Variants in MLLT10 observed in about 807,000 individuals in gnomAD.
The protein encoded by MLLT10 is MLLT10 histone lysine methyltransferase DOT1L cofactor.
Under a neutral mutation model 129.1 loss-of-function variants are expected in MLLT10, and 30 were observed. That is an observed-to-expected ratio of 0.23 (90% CI 0.17 to 0.32). MLLT10 has a LOEUF of 0.32. Ranked by LOEUF, MLLT10 falls within the 10% of genes least tolerant of loss-of-function variation. MLLT10 has a pLI of 1.00. For synonymous variants in MLLT10, 490 were observed against 446.4 expected (o/e 1.10, Z -1.23); for missense variants, 1,119 against 1,268.3 (o/e 0.88, Z 1.79).
chr10:21,688,852 C>T (rs181093578), intron 13 of MLLT10, among the ~76,000 whole-genome samples: 1 of 152,172 alleles, frequency 6.6e-6, no homozygotes, highest in Admixed American at 6.5e-5. Context: ...ACCTGTGTCC[C>T]TTCTCACACT....
intron 2 of MLLT10, among the ~76,000 whole-genome samples, chr10:21,537,208 T>G (rs890538401): frequency 3.3e-5 from 5 of 152,194 alleles, no homozygotes; most frequent in African/African-American, 1.2e-4. Context: ...GAAGTTTAGC[T>G]TTTGGAGTTT....
chr10:21,550,655 A>C (rs769587154), intron 3 of MLLT10, among the ~76,000 whole-genome samples: 1 of 151,990 alleles, frequency 6.6e-6, no homozygotes, highest in Non-Finnish European at 1.5e-5. Context: ...CCTTAGCCTT[A>C]TGAGTAGCTG....
chr10:21,647,578 C>T (rs1271486184), intron 8 of MLLT10, among the ~76,000 whole-genome samples: 1 of 151,940 alleles, frequency 6.6e-6, no homozygotes, highest in African/African-American at 2.4e-5. Context: ...GTTATTAGAT[C>T]TTGTCATTAA....
chr10:21,637,608 C>T (rs912769092), intron 8 of MLLT10, among the ~76,000 whole-genome samples: 1 of 152,176 alleles, frequency 6.6e-6, no homozygotes, highest in African/African-American at 2.4e-5. Flanking sequence ...CTTTGAAAAT[C>T]ACAGGGTAGA....
chr10:21,564,569 G>A (rs186312722), intron 3 of MLLT10: 60 of 151,996 alleles, frequency 3.9e-4, no homozygotes, highest in African/African-American at 1.4e-3. Context: ...GTGCTGTTGA[G>A]ACAAGCACTA....
chr10:21,540,390 T>C (rs1481415197), intron 3 of MLLT10, among the ~76,000 whole-genome samples: 1 of 145,950 alleles, frequency 6.9e-6, no homozygotes, highest in Admixed American at 6.8e-5. Context: ...TGAGACTGTT[T>C]CAAAAAAAAA....
chr10:21,734,192 T>G, intron 20 of MLLT10, 63 bp downstream of exon 20: 1 of 1,511,742 alleles, frequency 6.6e-7, no homozygotes, highest in South Asian at 1.3e-5. Flanking sequence ...TGTCTATGCC[T>G]TAGATTGGGG....
intron 11 of MLLT10, among the ~76,000 whole-genome samples, chr10:21,680,180 T>A (rs192189030): frequency 6.6e-6 from 1 of 152,202 alleles, no homozygotes; most frequent in South Asian, 2.1e-4. Context: ...TAATAATGTC[T>A]TATTCATTTG....
intron 4 of MLLT10, 112 bp from the exon 5 acceptor site, chr10:21,595,219 C>G: frequency 1.5e-6 from 1 of 683,848 alleles, no homozygotes; most frequent in African/African-American, 1.8e-5. Context: ...TTGTTAATGT[C>G]CTTGTTGTGC....
intron 3 of MLLT10, among the ~76,000 whole-genome samples, chr10:21,576,891 A>T (rs1301829459): frequency 6.6e-6 from 1 of 152,168 alleles, no homozygotes; most frequent in Non-Finnish European, 1.5e-5. Flanking sequence ...TCGGCCTCCT[A>T]AAGTGCTGGG....
At chr10:21,646,512 G>C (rs1461869759) in intron 8 of MLLT10, among the ~76,000 whole-genome samples, 1 of 148,588 alleles carries the variant, frequency 6.7e-6, no homozygotes, top group South Asian at 2.1e-4. Context: ...ATGTTTTTTT[G>C]GGGGGGTAGA....
At chr10:21,684,107 C>G (rs894238704) in intron 13 of MLLT10, among the ~76,000 whole-genome samples, 1 of 151,986 alleles carries the variant, frequency 6.6e-6, no homozygotes, top group East Asian at 1.9e-4. Context: ...AACTCCTGGT[C>G]TCAAGTGATC....
chr10:21,586,421 GTTTAT>G (rs1291283759), intron 4 of MLLT10, 73 bp downstream of exon 4: 16 of 1,118,940 alleles, frequency 1.4e-5, no homozygotes, highest in Admixed American at 5.4e-5. Flanking sequence ...ATATTTGGTA[GTTTAT>G]TTTATTTTAT....
rs1050716801 is a variant in MLLT10 at position 21,742,836 on chromosome 10, C to G, written c.*853C>G. On this transcript the variant is annotated 3_prime_UTR_variant, in exon 23 of 23. Transcript: ENST00000307729. ...CAGCAGGGTGGGACAGTCAGTCCTC[C>G]GAGCAGCAGGAATCATCCCGTCACC... 8.8e-6 allele frequency: 2 copies of G among 228,170 alleles called. No homozygotes were observed. The highest frequency in any genetic ancestry group is 8.7e-6 in the Non-Finnish European group (1 of 115,022). 14.1% of individuals were successfully genotyped at this position (228,170 alleles called of 1,614,324 possible). A position where few individuals can be genotyped will look rare whatever the true frequency, so the allele number is the denominator to read the frequency against.
chr10:21,700,028 T>C (rs2054751159), intron 13 of MLLT10, among the ~76,000 whole-genome samples: 1 of 152,152 alleles, frequency 6.6e-6, no homozygotes, highest in African/African-American at 2.4e-5. Context: ...TTAAATTTGT[T>C]TGTGTCCTTT....
Position 21,534,284 on chromosome 10 carries a change from C to G in MLLT10, c.-237C>G. Reference sequence around the variant, plus strand: ...GAAGCGCAGCCCCCTTCCCCTCCCTCGCTGCCCCTGGCCCAGCGGGAGCCC... The same window carrying G: ...GAAGCGCAGCCCCCTTCCCCTCCCTGGCTGCCCCTGGCCCAGCGGGAGCCC... On this transcript the variant is annotated 5_prime_UTR_variant, in exon 1 of 23. Coordinates refer to ENST00000307729, the MANE Select transcript of MLLT10 (RefSeq NM_001195626.3). The G allele has an allele frequency of 2.5e-6, 1 of 394,584 alleles. No individual in the cohort carries two copies. Among genetic ancestry groups the G allele is most frequent in the Admixed American group, 4.4e-5 (1 of 22,628 alleles). The allele number at this position is 394,584 out of a possible 1,614,324, so 24.4% of individuals were successfully genotyped here. A position where few individuals can be genotyped will look rare whatever the true frequency, so the allele number is the denominator to read the frequency against.
Position 21,625,370 on chromosome 10 carries a change from T to A in MLLT10, c.699+8163T>A, listed in dbSNP as rs564006013. On this transcript the variant is annotated intron_variant, in intron 8 of 22. Transcript: ENST00000307729. Reference sequence around the variant, plus strand: ...TTTCAACTTATTTACTCTTTGGAGTTCTCCAAATTCAGAAAATGACTTTTC... The same window carrying A: ...TTTCAACTTATTTACTCTTTGGAGTACTCCAAATTCAGAAAATGACTTTTC... 9.0e-5 allele frequency: 70 copies of A among 773,680 alleles called. 1 individual carries two copies. In the South Asian group the frequency reaches 1.0e-3, roughly 11 times the overall value. The allele number at this position is 773,680 out of a possible 1,614,324, so 47.9% of individuals were successfully genotyped here.
intron 8 of MLLT10, among the ~76,000 whole-genome samples, chr10:21,645,196 T>C (rs561018918): frequency 2.0e-5 from 3 of 152,340 alleles, no homozygotes; most frequent in Admixed American, 2.0e-4. Flanking sequence ...TAGGGCAATT[T>C]CTACTATAGA....
At chr10:21,600,616 G>T (rs892405663) in intron 5 of MLLT10, among the ~76,000 whole-genome samples, 3 of 152,080 alleles carry the variant, frequency 2.0e-5, no homozygotes, top group African/African-American at 4.8e-5. Context: ...TCTAATAAAT[G>T]TTTATTTTTG....
Sources: gnomAD v4.1 joint callset for allele counts (sites outside exome capture counted in the v4.1 genomes callset) on GRCh38, gnomAD v4.1.1 for gene constraint, MANE v1.5 for transcripts, NCBI Gene and HGNC (gene_info 2026-07-23, HGNC 2026-07-21) for gene names.